PCDH15: variants seen among roughly 807,000 people sequenced by gnomAD.
PCDH15 encodes protocadherin-15.
Under a neutral mutation model 178.5 loss-of-function variants are expected in PCDH15, and 129 were observed. The observed-to-expected ratio is 0.72, with a 90% CI of 0.63 to 0.84. The LOEUF (loss-of-function observed/expected upper bound fraction) is 0.84, where lower values mean the gene tolerates loss of function less well. PCDH15 is among the 40% of genes least tolerant of loss of function. PCDH15 has a pLI of 0.00. For synonymous variants in PCDH15, 800 were observed against 732.0 expected (o/e 1.09, Z -1.50); for missense variants, 2,230 against 2,099.9 (o/e 1.06, Z -1.21).
intron 20 of PCDH15, among the ~76,000 whole-genome samples, chr10:54,007,567 TTTG>T (rs2092428500): frequency 6.6e-6 from 1 of 152,150 alleles, no homozygotes; most frequent in Admixed American, 6.5e-5. Context: ...ATGTTATTTG[TTTG>T]ATCATCACAG....
chr10:54,109,644 T>C (rs530458356), intron 15 of PCDH15, among the ~76,000 whole-genome samples: 33 of 152,212 alleles, frequency 2.2e-4, no homozygotes, highest in African/African-American at 6.7e-4. Flanking sequence ...AATAAAACTA[T>C]TGAATTCATG....
At chr10:55,385,817 A>ACG (rs1837647014) in intron 2 of PCDH15, among the ~76,000 whole-genome samples, 1 of 149,086 alleles carries the variant, frequency 6.7e-6, no homozygotes, top group Non-Finnish European at 1.5e-5. Flanking sequence ...ATATATATGC[A>ACG]TATATATACG....
chr10:54,558,127 T>A (rs895003097), intron 2 of PCDH15, among the ~76,000 whole-genome samples: 8 of 152,100 alleles, frequency 5.3e-5, no homozygotes, highest in South Asian at 2.1e-4. Flanking sequence ...AAGACAGTGG[T>A]ATTGATTTTG....
chr10:54,424,762 A>G (rs1360216456), intron 3 of PCDH15, among the ~76,000 whole-genome samples: 1 of 151,334 alleles, frequency 6.6e-6, no homozygotes, highest in African/African-American at 2.4e-5. Flanking sequence ...CACAAGGACT[A>G]AAAACCAAAC....
chr10:53,927,672 A>C (rs367646402), intron 25 of PCDH15, among the ~76,000 whole-genome samples: 2 of 152,258 alleles, frequency 1.3e-5, no homozygotes, highest in East Asian at 3.9e-4. Context: ...ATTGTGCAGG[A>C]AAAGGAGTAT....
rs184186785 is a variant in PCDH15 at position 54,675,014 on chromosome 10, T to G, written c.-28-10724A>C. Among the ~76,000 whole-genome samples, 208 of 152,168 alleles carry G rather than the reference T, an allele frequency of 1.4e-3. 3 individuals carry two copies. Among genetic ancestry groups the G allele is most frequent in the African/African-American group, 4.8e-3 (200 of 41,550 alleles). On this transcript the variant is annotated intron_variant, in intron 1 of 37. Transcript: ENST00000644397. ...AGTCTCTTCCTACAAATACCTAATT[T>G]TATAGTGTATCCTGGCATTTCAAAA... is the stretch of plus-strand genomic sequence containing the variant.
intron 1 of PCDH15, among the ~76,000 whole-genome samples, chr10:55,210,618 CTTTTTTTTTTTTTTTTT>C (rs11412877): frequency 2.7e-4 from 11 of 40,334 alleles, no homozygotes; most frequent in East Asian, 8.4e-4. Context: ...TTTTTCTTTT[CTTTTTTTTTTTTTTTTT>C]TTTTTTTTTT....
At position 54,378,724 on chromosome 10, in the gene PCDH15, T is replaced by C. The variant is rs188493899; in HGVS notation, c.318+58A>G. The C allele has an allele frequency of 7.1e-6, 11 of 1,544,080 alleles. No homozygotes were observed. The East Asian group carries it at 1.8e-4, about 26-fold the overall frequency. On this transcript the variant is annotated intron_variant, in intron 4 of 37. Coordinates refer to ENST00000644397, the MANE Select transcript of PCDH15 (RefSeq NM_001384140.1). ...ATTCAATATCATATAAACACACACATAGACATTTAAATTATAATAAACTTA... is the reference window on the plus strand; with the variant it reads ...ATTCAATATCATATAAACACACACACAGACATTTAAATTATAATAAACTTA...
At chr10:55,031,684 G>A (rs540181915) in intron 2 of PCDH15, among the ~76,000 whole-genome samples, 30 of 152,280 alleles carry the variant, frequency 2.0e-4, no homozygotes, top group Middle Eastern at 3.4e-3. Context: ...GCCCAATTGT[G>A]ACTGTGCCCT....
chr10:54,902,676 A>G (rs1307524170), intron 2 of PCDH15, among the ~76,000 whole-genome samples: 1 of 152,166 alleles, frequency 6.6e-6, no homozygotes, highest in Non-Finnish European at 1.5e-5. Flanking sequence ...ACCAGAAGAT[A>G]TGTCATTTCT....
intron 14 of PCDH15, among the ~76,000 whole-genome samples, chr10:54,152,121 G>T (rs2044600593): frequency 6.6e-6 from 1 of 152,112 alleles, no homozygotes; most frequent in Non-Finnish European, 1.5e-5. Flanking sequence ...AACTATGGCT[G>T]CATTAATACC....
At chr10:53,974,094 T>G (rs1401723812) in intron 21 of PCDH15, among the ~76,000 whole-genome samples, 1 of 152,194 alleles carries the variant, frequency 6.6e-6, no homozygotes, top group African/African-American at 2.4e-5. Context: ...CTTGGCTCAC[T>G]GCAACCTCCG....
intron 1 of PCDH15, among the ~76,000 whole-genome samples, chr10:55,318,388 CAT>C (rs1195861857): frequency 2.0e-5 from 3 of 151,986 alleles, no homozygotes; most frequent in Non-Finnish European, 2.9e-5. Flanking sequence ...TAAAAGCAGA[CAT>C]AGATTCATAA....
chr10:54,185,484 C>T (rs2048405424), intron 11 of PCDH15, among the ~76,000 whole-genome samples: 1 of 151,700 alleles, frequency 6.6e-6, no homozygotes, highest in East Asian at 1.9e-4. Context: ...TACTGAAATA[C>T]AAACAGGTAT....
chr10:54,570,315 T>C (rs2089636827), intron 2 of PCDH15, among the ~76,000 whole-genome samples: 1 of 152,150 alleles, frequency 6.6e-6, no homozygotes, highest in Non-Finnish European at 1.5e-5. Flanking sequence ...AAGTAGAGTA[T>C]TGAAACATAC....
At chr10:55,033,739 A>G (rs1489506990) in intron 2 of PCDH15, among the ~76,000 whole-genome samples, 1 of 152,164 alleles carries the variant, frequency 6.6e-6, no homozygotes, top group Non-Finnish European at 1.5e-5. Context: ...GATGGAATAA[A>G]TGAATTTTTT....
At chr10:54,079,716 A>C (rs925843830) in intron 16 of PCDH15, among the ~76,000 whole-genome samples, 1 of 152,176 alleles carries the variant, frequency 6.6e-6, no homozygotes, top group Non-Finnish European at 1.5e-5. Flanking sequence ...AACAGTATCT[A>C]TCTTGTTTTC....
At chr10:54,301,843 C>T (rs551505287) in intron 8 of PCDH15, among the ~76,000 whole-genome samples, 1 of 152,242 alleles carries the variant, frequency 6.6e-6, no homozygotes, top group South Asian at 2.1e-4. Flanking sequence ...CTTCATAGCA[C>T]CCACCACATC....
intron 1 of PCDH15, among the ~76,000 whole-genome samples, chr10:54,676,043 T>G (rs1292595612): frequency 2.0e-5 from 3 of 152,158 alleles, no homozygotes; most frequent in African/African-American, 7.2e-5. Context: ...GGAAGTTCTA[T>G]TTCCTTTAAG....
Sources: allele counts gnomAD v4.1 joint callset (sites outside exome capture counted in the v4.1 genomes callset), GRCh38; gene constraint gnomAD v4.1.1; transcripts MANE v1.5; gene names NCBI Gene and HGNC (gene_info 2026-07-23, HGNC 2026-07-21).